Variants in PCF11 observed in about 807,000 individuals in gnomAD.
PCF11 encodes PCF11 cleavage and polyadenylation factor subunit.
In PCF11, 19 loss-of-function variants were observed where a neutral mutation model predicts 166.1. That is an observed-to-expected ratio of 0.11 (90% CI 0.08 to 0.17). The LOEUF is 0.17. Ranked by LOEUF, PCF11 falls within the 10% of genes least tolerant of loss-of-function variation. The probability of loss-of-function intolerance (pLI) is 1.00; values close to 1 mark genes in which losing one functional copy is unlikely to be tolerated. For synonymous variants in PCF11, 663 were observed against 644.1 expected (o/e 1.03, Z -0.44); for missense variants, 1,565 against 1,855.5 (o/e 0.84, Z 2.88).
At chr11:83,171,538 G>C (rs544100386) in intron 8 of PCF11, among the ~76,000 whole-genome samples, 3 of 152,212 alleles carry the variant, frequency 2.0e-5, no homozygotes, top group South Asian at 2.1e-4. Context: ...TTCCTTTTTG[G>C]GGGGCTACTT....
At chr11:83,157,387 C>G in exon 1 of PCF11, 1 of 1,525,404 alleles carries the variant, frequency 6.6e-7, no homozygotes, top group Non-Finnish European at 9.0e-7. Flanking sequence ...GCGGGGTATC[C>G]AGAGCGGCTT....
intron 5 of PCF11, 69 bp downstream of exon 5, chr11:83,166,783 A>T: frequency 7.1e-7 from 1 of 1,409,460 alleles, no homozygotes; most frequent in South Asian, 1.4e-5. Flanking sequence ...TAATTTAAAA[A>T]TTGGAAAATG....
intron 1 of PCF11, among the ~76,000 whole-genome samples, chr11:83,160,323 T>TG (rs1425080926): frequency 1.6e-5 from 2 of 127,694 alleles, no homozygotes; most frequent in South Asian, 2.3e-4. Context: ...TAACCTAAGT[T>TG]TTTTTTTTTT....
At chr11:83,166,634 T>C (rs2135424128) in exon 5 of PCF11, 1 of 1,612,492 alleles carries the variant, frequency 6.2e-7, no homozygotes, top group South Asian at 1.1e-5. Context: ...AGTCAGGCAC[T>C]GAACCAAAGG....
At chr11:83,166,476 A>G in exon 5 of PCF11, 1 of 1,614,008 alleles carries the variant, frequency 6.2e-7, no homozygotes, top group Non-Finnish European at 8.5e-7. Flanking sequence ...ATCTGGAGCT[A>G]AGCAGTCACA....
intron 15 of PCF11, among the ~76,000 whole-genome samples, chr11:83,183,786 G>C (rs1223056545): frequency 6.6e-6 from 1 of 151,790 alleles, no homozygotes; most frequent in African/African-American, 2.4e-5. Flanking sequence ...CACCGTGCTC[G>C]GCCAAAATAG....
In PCF11 at chr11:83,170,080, T is replaced by G. The variant is rs187006964; in HGVS notation, c.3660+85T>G. On this transcript the variant is annotated intron_variant, in intron 8 of 15. Transcript: ENST00000298281. Reference sequence around the variant, plus strand: ...TCTAGGAGGGTTTTCAGGACATAGTTTATTGTGTAGATTGGAAAGAAGTTT... The same window carrying G: ...TCTAGGAGGGTTTTCAGGACATAGTGTATTGTGTAGATTGGAAAGAAGTTT... The G allele has an allele frequency of 6.9e-6, 8 of 1,156,816 alleles. No individual in the cohort carries two copies. The East Asian group carries it at 2.0e-4, about 29-fold the overall frequency. 71.7% of individuals were successfully genotyped at this position (1,156,816 alleles called of 1,614,324 possible).
exon 1 of PCF11, chr11:83,157,422 GA>G (rs1156878342): frequency 1.2e-6 from 2 of 1,602,844 alleles, no homozygotes; most frequent in Non-Finnish European, 1.7e-6. Flanking sequence ...GCGGACCTCG[GA>G]GGGGGGCCGC....
At chr11:83,170,681 C>A (rs367636688) in intron 8 of PCF11, among the ~76,000 whole-genome samples, 1 of 152,112 alleles carries the variant, frequency 6.6e-6, no homozygotes, top group Non-Finnish European at 1.5e-5. Context: ...GTGATTAATT[C>A]GGTTGGTTTT....
At chr11:83,157,403 T>G (rs749511869) in exon 1 of PCF11, 1 of 1,584,650 alleles carries the variant, frequency 6.3e-7, no homozygotes, top group Non-Finnish European at 8.6e-7. Context: ...GGCTTCAGCT[T>G]CAGCTGCAGC....
At chr11:83,181,825 T>C in intron 12 of PCF11, 29 bp from the exon 13 acceptor site, 3 of 1,522,024 alleles carry the variant, frequency 2.0e-6, no homozygotes, top group Non-Finnish European at 1.8e-6. Context: ...ATAAATGGAA[T>C]AATCTTTTAA....
chr11:83,173,519 G>A (rs1244405252), intron 9 of PCF11, among the ~76,000 whole-genome samples: 1 of 147,160 alleles, frequency 6.8e-6, no homozygotes, highest in Non-Finnish European at 1.5e-5. Flanking sequence ...CTGTTTTGTT[G>A]TTGTTTTTTT....
Position 83,167,143 on chromosome 11 carries a change from A to G in PCF11, c.1836A>G (p.Glu612=), listed in dbSNP as rs764169891. Reference sequence around the variant, plus strand: ...GTTTCAGCTTACAACAGGTTGATGAACATAGTAAACCTCCTCATCTGAGGC... The same window carrying G: ...GTTTCAGCTTACAACAGGTTGATGAGCATAGTAAACCTCCTCATCTGAGGC... The change falls in exon 6 of 16, where the codon GAA becomes GAG. Residue 612 remains glutamate (E), a synonymous_variant. Transcript: ENST00000298281. This position sits in a 1 kb window ranked among gnomAD's most constrained non-coding sequence, Gnocchi z 4.2. The G allele has an allele frequency of 3.1e-6, 5 of 1,612,272 alleles. No homozygotes were observed. Among genetic ancestry groups the G allele is most frequent in the African/African-American group, 2.7e-5 (2 of 74,892 alleles).
At chr11:83,179,731 T>C (rs1861020601) in intron 11 of PCF11, among the ~76,000 whole-genome samples, 1 of 151,808 alleles carries the variant, frequency 6.6e-6, no homozygotes, top group Non-Finnish European at 1.5e-5. Flanking sequence ...TGGTAACATG[T>C]CTCTACTAGA....
exon 5 of PCF11, chr11:83,166,139 C>T (rs545887865): frequency 2.5e-6 from 4 of 1,609,594 alleles, no homozygotes; most frequent in Non-Finnish European, 3.4e-6. Flanking sequence ...AGACCGATGG[C>T]AAAGATGATG....
intron 1 of PCF11, chr11:83,158,910 T>A (rs1245953635): frequency 6.6e-6 from 1 of 152,210 alleles, no homozygotes; most frequent in Non-Finnish European, 1.5e-5. Context: ...CTTTGTAAGG[T>A]GTAGAATCTG....
intron 9 of PCF11, among the ~76,000 whole-genome samples, chr11:83,172,685 A>G (rs1040121899): frequency 6.6e-6 from 1 of 152,118 alleles, no homozygotes; most frequent in Non-Finnish European, 1.5e-5. Context: ...CAAAGTGCTG[A>G]GATGGCAGGT....
Position 83,157,299 on chromosome 11 carries a change from A to G in PCF11, c.-141A>G. 2.5e-5 allele frequency: 18 copies of G among 711,422 alleles called. No homozygotes were observed. The South Asian group carries it at 3.1e-4, about 12-fold the overall frequency. 44.1% of individuals were successfully genotyped at this position (711,422 alleles called of 1,614,324 possible). On this transcript the variant is annotated 5_prime_UTR_variant, in exon 1 of 16. Transcript: ENST00000298281. ...CGAGGTTCCCCCTGTGTCGTCCCCC[A>G]TCCCCCCTCCGCGGTCAGCATGTGG...
exon 16 of PCF11, chr11:83,186,141 T>C (rs1194761007): frequency 6.6e-6 from 1 of 152,190 alleles, no homozygotes; most frequent in Non-Finnish European, 1.5e-5. Context: ...TTCCATACAA[T>C]TTCTGCAATT....
Sources: gnomAD v4.1 joint callset for allele counts (sites outside exome capture counted in the v4.1 genomes callset) on GRCh38, gnomAD v4.1.1 for gene constraint, Gnocchi (gnomAD v3.1) non-coding constraint, MANE v1.5 for transcripts, NCBI Gene and HGNC (gene_info 2026-07-23, HGNC 2026-07-21) for gene names.